The following MTUS2 variants were observed in gnomAD, a reference collection of about 807,000 sequenced individuals.
MTUS2 encodes microtubule-associated tumor suppressor candidate 2.
In MTUS2, 40 loss-of-function variants were observed where a neutral mutation model predicts 114.1. That is an observed-to-expected ratio of 0.35 (90% CI 0.27 to 0.46). MTUS2 has a LOEUF of 0.46. MTUS2 is among the 20% of genes least tolerant of loss of function. MTUS2 has a pLI of 1.00. For missense variants in MTUS2, 1,679 were observed against 1,705.4 expected (o/e 0.98, Z 0.27); for synonymous variants, 688 against 672.0 (o/e 1.02, Z -0.37).
intron 4 of MTUS2, among the ~76,000 whole-genome samples, chr13:29,049,161 C>T (rs1336589481): frequency 6.6e-6 from 1 of 152,168 alleles, no homozygotes; most frequent in African/African-American, 2.4e-5. Flanking sequence ...ACTCTTTGGC[C>T]AGTGAGAGTC....
At chr13:29,458,581 C>T (rs1215321039) in intron 9 of MTUS2, among the ~76,000 whole-genome samples, 1 of 152,134 alleles carries the variant, frequency 6.6e-6, no homozygotes, top group Non-Finnish European at 1.5e-5. Flanking sequence ...CTGATGATCT[C>T]ATCTACCCCT....
chr13:28,854,254 G>A (rs1399429218), intron 2 of MTUS2, among the ~76,000 whole-genome samples: 1 of 152,136 alleles, frequency 6.6e-6, no homozygotes, highest in Non-Finnish European at 1.5e-5. Flanking sequence ...ATTTTATAAG[G>A]ATGCTGCTTC....
intron 7 of MTUS2, among the ~76,000 whole-genome samples, chr13:29,348,888 G>A (rs1186514339): frequency 1.6e-4 from 24 of 152,160 alleles, no homozygotes; most frequent in Non-Finnish European, 2.8e-4. Flanking sequence ...CTTAGTTTCA[G>A]CATGGTATAA....
intron 8 of MTUS2, among the ~76,000 whole-genome samples, chr13:29,413,598 A>C (rs1219444838): frequency 1.5e-5 from 1 of 66,344 alleles, no homozygotes; most frequent in African/African-American, 5.9e-5. Context: ...GAACTCAAAC[A>C]AATTTACAAG....
intron 1 of MTUS2, among the ~76,000 whole-genome samples, chr13:28,835,834 G>A (rs945930637): frequency 6.6e-6 from 1 of 152,186 alleles, no homozygotes; most frequent in Admixed American, 6.5e-5. Flanking sequence ...AGCTATGGTA[G>A]AGTAGAAACT....
At chr13:29,448,483 CT>C (rs990354517) in intron 9 of MTUS2, among the ~76,000 whole-genome samples, 1 of 151,936 alleles carries the variant, frequency 6.6e-6, no homozygotes, top group African/African-American at 2.4e-5. Context: ...GGGGAAATGT[CT>C]TTTTTTTCCC....
chr13:29,217,469 G>A (rs930162050), intron 5 of MTUS2, among the ~76,000 whole-genome samples: 3 of 152,144 alleles, frequency 2.0e-5, no homozygotes, highest in Non-Finnish European at 2.9e-5. Context: ...GTGTGCTATA[G>A]CATTATGTCT....
At chr13:29,499,651 T>C (rs1444287038) in intron 14 of MTUS2, among the ~76,000 whole-genome samples, 1 of 152,246 alleles carries the variant, frequency 6.6e-6, no homozygotes, top group Non-Finnish European at 1.5e-5. Flanking sequence ...TATTATACTG[T>C]ATAAGTGTTT....
rs897464425 is a variant in MTUS2 at position 29,503,339 on chromosome 13, C to G, written c.*133C>G. On this transcript the variant is annotated 3_prime_UTR_variant, in exon 16 of 16. Coordinates refer to ENST00000612955, the MANE Select transcript of MTUS2 (RefSeq NM_001033602.4). ...GCTGCGAATGCATCCTAGGCGCGTC[C>G]TCCTCTGATCCCCGTGTAAGACTGC... 7 of 949,426 alleles carry G rather than the reference C, an allele frequency of 7.4e-6. No homozygotes were observed. The highest frequency in any genetic ancestry group is 4.9e-5 in the African/African-American group (3 of 61,220). 58.8% of individuals were successfully genotyped at this position (949,426 alleles called of 1,614,324 possible). A position where few individuals can be genotyped will look rare whatever the true frequency, so the allele number is the denominator to read the frequency against.
intron 8 of MTUS2, among the ~76,000 whole-genome samples, chr13:29,429,273 G>A: frequency 6.6e-6 from 1 of 152,220 alleles, no homozygotes; most frequent in East Asian, 1.9e-4. Context: ...ATTTAGATTA[G>A]TTAGGCATGT....
intron 8 of MTUS2, among the ~76,000 whole-genome samples, chr13:29,409,159 A>C (rs1875026305): frequency 6.6e-6 from 1 of 152,086 alleles, no homozygotes; most frequent in South Asian, 2.1e-4. Context: ...GTCTCTACTA[A>C]AAATACAAAA....
At chr13:29,278,840 A>G (rs1264510681) in intron 5 of MTUS2, among the ~76,000 whole-genome samples, 1 of 151,570 alleles carries the variant, frequency 6.6e-6, no homozygotes, top group Admixed American at 6.6e-5. Flanking sequence ...TCATACTCTC[A>G]CTCTTCTCTT....
intron 8 of MTUS2, among the ~76,000 whole-genome samples, chr13:29,416,945 A>G (rs1875713223): frequency 6.6e-6 from 1 of 152,154 alleles, no homozygotes; most frequent in African/African-American, 2.4e-5. Flanking sequence ...TTTCAATAGT[A>G]CGTTTCAATT....
At chr13:29,231,270 T>G (rs761537653) in intron 5 of MTUS2, among the ~76,000 whole-genome samples, 8 of 152,228 alleles carry the variant, frequency 5.3e-5, no homozygotes, top group Non-Finnish European at 8.8e-5. Flanking sequence ...GAGGAAAATT[T>G]TAGATATTCT....
intron 10 of MTUS2, among the ~76,000 whole-genome samples, chr13:29,485,909 C>G (rs1382386802): frequency 6.6e-6 from 1 of 150,956 alleles, no homozygotes; most frequent in African/African-American, 2.4e-5. Context: ...TGTAGCAACC[C>G]TCCAAACAGT....
intron 8 of MTUS2, among the ~76,000 whole-genome samples, chr13:29,363,823 A>T (rs1169425285): frequency 6.6e-6 from 1 of 152,226 alleles, no homozygotes; most frequent in Non-Finnish European, 1.5e-5. Flanking sequence ...GCAGAACTTT[A>T]ACAATAGAGC....
At chr13:29,492,773 A>T in intron 12 of MTUS2, 54 bp downstream of exon 12, 1 of 1,360,486 alleles carries the variant, frequency 7.4e-7, no homozygotes, top group Non-Finnish European at 1.0e-6. Flanking sequence ...CAGCATCATT[A>T]TTCCCACCCA....
At chr13:29,018,932 T>C (rs373439923) in intron 2 of MTUS2, among the ~76,000 whole-genome samples, 7 of 152,326 alleles carry the variant, frequency 4.6e-5, no homozygotes, top group African/African-American at 1.7e-4. Flanking sequence ...TGTGATACTC[T>C]GGCTTCATGC....
At chr13:29,363,896 A>G (rs1343822302) in intron 8 of MTUS2, among the ~76,000 whole-genome samples, 2 of 152,194 alleles carry the variant, frequency 1.3e-5, no homozygotes, top group African/African-American at 4.8e-5. Context: ...AACCCTCACA[A>G]CAACCATAGC....
Sources: gnomAD v4.1 joint callset for allele counts (sites outside exome capture counted in the v4.1 genomes callset) on GRCh38, gnomAD v4.1.1 for gene constraint, MANE v1.5 for transcripts, NCBI Gene and HGNC (gene_info 2026-07-23, HGNC 2026-07-21) for gene names.